Variants in ZNF83 observed in about 807,000 individuals in gnomAD.
ZNF83 encodes zinc finger protein 83.
For synonymous variants in ZNF83, 209 were observed against 213.0 expected, an observed-to-expected ratio of 0.98 and a Z score of 0.17; for missense variants, 552 against 629.9, an observed-to-expected ratio of 0.88 and a Z score of 1.32.
chr19:52,664,530 C>T (rs1392722857), intron 1 of ZNF83, among the ~76,000 whole-genome samples: 1 of 152,070 alleles, frequency 6.6e-6, no homozygotes, highest in Non-Finnish European at 1.5e-5. Context: ...ACCACTGGGT[C>T]CTGGGTCTAG....
chr19:52,687,989 T>C (rs1006033957), intron 1 of ZNF83, among the ~76,000 whole-genome samples: 4 of 151,984 alleles, frequency 2.6e-5, no homozygotes, highest in African/African-American at 9.7e-5. Flanking sequence ...AACTGGAAGC[T>C]AACCTCTGAT....
rs1017826109 is a variant in ZNF83, at chr19:52,683,510, T to C, written c.-283+6933A>G. 1.0e-4 allele frequency among the ~76,000 whole-genome samples: 3 copies of C among 29,804 alleles called. 1 individual carries two copies. Among genetic ancestry groups the C allele is most frequent in the East Asian group, 1.1e-3 (2 of 1,844 alleles). The allele number at this position is 29,804 out of a possible 152,430, so 19.6% of individuals were successfully genotyped here. A position where few individuals can be genotyped will look rare whatever the true frequency, so the allele number is the denominator to read the frequency against. ...TCCCTGACCTTCTCCCCACCCTTCC[T>C]GAAGGGAATCCAAAGGGAAGGGCAA... On this transcript the variant is annotated intron_variant, in intron 1 of 5. Coordinates refer to the ZNF83 transcript ENST00000594682.
At chr19:52,640,669 T>C (rs981541670), upstream of ZNF83, among the ~76,000 whole-genome samples, 1 of 152,084 alleles carries the variant, frequency 6.6e-6, no homozygotes, top group African/African-American at 2.4e-5. Flanking sequence ...AGCGCCCCAG[T>C]CCACCCCTTT....
At chr19:52,676,414 A>G (rs1258423247) in intron 1 of ZNF83, among the ~76,000 whole-genome samples, 1 of 151,542 alleles carries the variant, frequency 6.6e-6, no homozygotes. Context: ...CCGTCTGGGA[A>G]GTGAGGAGCG....
chr19:52,619,519 A>G (rs2060454307), intron 2 of ZNF83, among the ~76,000 whole-genome samples: 1 of 152,042 alleles, frequency 6.6e-6, no homozygotes, highest in South Asian at 2.1e-4. Context: ...TCAGCTACTC[A>G]GGAGGCTGAG....
intron 1 of ZNF83, among the ~76,000 whole-genome samples, chr19:52,679,631 A>G (rs2061874791): frequency 1.3e-5 from 2 of 152,022 alleles, no homozygotes; most frequent in Non-Finnish European, 2.9e-5. Flanking sequence ...TAAATAAAAG[A>G]AAGCATGACA....
chr19:52,648,142 T>G (rs2061397561), intron 3 of ZNF83, among the ~76,000 whole-genome samples: 1 of 147,520 alleles, frequency 6.8e-6, no homozygotes, highest in Non-Finnish European at 1.5e-5. Flanking sequence ...TTTCTCCTCC[T>G]GCTTTCTTAT....
intron 1 of ZNF83, among the ~76,000 whole-genome samples, chr19:52,674,910 G>A (rs181586372): frequency 3.2e-4 from 49 of 152,294 alleles, no homozygotes; most frequent in Admixed American, 3.2e-3. Context: ...GCTGGGAAAA[G>A]TGGCTAACCT....
Position 52,661,462 on chromosome 19 carries a change from C to T in ZNF83, c.-282-619G>A, listed in dbSNP as rs1370657139. Among the ~76,000 whole-genome samples the T allele has an allele frequency of 6.6e-5, 10 of 152,300 alleles. No individual in the cohort carries two copies. The South Asian group carries it at 1.2e-3, about 19-fold the overall frequency. On this transcript the variant is annotated intron_variant, in intron 1 of 5. Transcript: ENST00000594682. The stretch of plus-strand genomic sequence containing the variant: ...CACCTCCCTGTGGATCACAGACTGA[C>T]CTCAGTTCTCAATATGGGGGAAACT...
chr19:52,677,381 G>A (rs1162444685), intron 1 of ZNF83, among the ~76,000 whole-genome samples: 1 of 151,728 alleles, frequency 6.6e-6, no homozygotes, highest in Admixed American at 6.6e-5. Context: ...AGCTACTCAG[G>A]AGGCTGAGGC....
intron 1 of ZNF83, chr19:52,635,900 G>C (rs1431344500): frequency 6.6e-6 from 1 of 151,062 alleles, no homozygotes; most frequent in East Asian, 1.9e-4. Flanking sequence ...GCTGAAGCAA[G>C]AGAATCGCAT....
At chr19:52,614,370 G>C in exon 3 of ZNF83, 1 of 1,612,966 alleles carries the variant, frequency 6.2e-7, no homozygotes. Context: ...GAGAAATGTG[G>C]GTTTTGACAG....
Position 52,618,896 on chromosome 19 carries a change from C to G in ZNF83, c.-233-4099G>C, listed in dbSNP as rs771780878. ...AAACAAGAGAAAATGCAAAGATACA[C>G]AAGGGAACATCCCCACTTCTGGAGG... On this transcript the variant is annotated intron_variant, in intron 2 of 2. Transcript: ENST00000301096. 18 of 1,535,660 alleles carry G rather than the reference C, an allele frequency of 1.2e-5. No homozygotes were observed. In the East Asian group the frequency reaches 3.6e-4, roughly 30 times the overall value.
intron 1 of ZNF83, among the ~76,000 whole-genome samples, chr19:52,670,186 C>T (rs1257302079): frequency 2.0e-5 from 3 of 152,078 alleles, no homozygotes; most frequent in Non-Finnish European, 4.4e-5. Flanking sequence ...TCCACCTTGA[C>T]TCATTCTGAT....
chr19:52,677,481 G>A (rs1442723952), intron 1 of ZNF83, among the ~76,000 whole-genome samples: 130 of 151,492 alleles, frequency 8.6e-4, no homozygotes, highest in African/African-American at 3.0e-3. Context: ...GTGAGACTCT[G>A]TCTCAAAAAG....
intron 1 of ZNF83, among the ~76,000 whole-genome samples, chr19:52,637,504 G>T (rs1040798164): frequency 5.3e-5 from 8 of 151,996 alleles, no homozygotes; most frequent in African/African-American, 1.5e-4. Context: ...CGTTTCTCCA[G>T]TTACTTTTCT....
chr19:52,687,181 CAA>C (rs755729915), intron 1 of ZNF83, among the ~76,000 whole-genome samples: 18 of 104,280 alleles, frequency 1.7e-4, no homozygotes, highest in Admixed American at 2.2e-4. Context: ...AACTCCATCT[CAA>C]AAAAAAAAAA....
At chr19:52,670,286 C>T (rs541832897) in intron 1 of ZNF83, among the ~76,000 whole-genome samples, 2 of 152,162 alleles carry the variant, frequency 1.3e-5, no homozygotes, top group Non-Finnish European at 2.9e-5. Context: ...TGCCAAACCA[C>T]TCACCTTGTC....
upstream of ZNF83, chr19:52,638,406 A>AGGTGGGCGGGGCCCGCGG (rs1555785868): frequency 6.8e-6 from 1 of 147,040 alleles, no homozygotes; most frequent in East Asian, 2.3e-4. Flanking sequence ...GGGGCCCGCG[A>AGGTGGGCGGGGCCCGCGG]GGTGGGCGGG....
Sources: allele counts gnomAD v4.1 joint callset (sites outside exome capture counted in the v4.1 genomes callset), GRCh38; gene constraint gnomAD v4.1.1; transcripts MANE v1.5; gene names NCBI Gene and HGNC (gene_info 2026-07-23, HGNC 2026-07-21).